Variants in MAPK4 observed in about 807,000 individuals in gnomAD.
The protein encoded by MAPK4 is mitogen-activated protein kinase 4.
Under a neutral mutation model 47.7 loss-of-function variants are expected in MAPK4, and 22 were observed. That is an observed-to-expected ratio of 0.46 (90% CI 0.33 to 0.66). The LOEUF (loss-of-function observed/expected upper bound fraction) is 0.66. Among genes scored for constraint, MAPK4 ranks in the 30% least tolerant of loss-of-function variants. The pLI is 0.02. For missense variants in MAPK4, 736 were observed against 831.7 expected (o/e 0.88, Z 1.42); for synonymous variants, 390 against 365.7 (o/e 1.07, Z -0.76).
At chr18:50,716,628 C>G (rs558606835) in intron 3 of MAPK4, among the ~76,000 whole-genome samples, 3 of 152,208 alleles carry the variant, frequency 2.0e-5, no homozygotes, top group Non-Finnish European at 4.4e-5. Flanking sequence ...TCCTTGCCAC[C>G]TGTCCTCTGC....
intron 2 of MAPK4, among the ~76,000 whole-genome samples, chr18:50,672,688 C>G (rs1301645992): frequency 6.6e-6 from 1 of 152,162 alleles, no homozygotes; most frequent in Non-Finnish European, 1.5e-5. Flanking sequence ...ACAAGCCTGG[C>G]CTGGGAGATG....
intron 2 of MAPK4, among the ~76,000 whole-genome samples, chr18:50,693,834 C>T (rs1031989756): frequency 7.9e-5 from 12 of 151,280 alleles, no homozygotes; most frequent in South Asian, 4.2e-4. Flanking sequence ...GCTTATGAAA[C>T]GAGTGAGTGG....
chr18:50,686,708 C>G (rs1255663353), intron 2 of MAPK4, among the ~76,000 whole-genome samples: 1 of 152,200 alleles, frequency 6.6e-6, no homozygotes, highest in Non-Finnish European at 1.5e-5. Flanking sequence ...GTCCTGAAAT[C>G]CATGTCGGTT....
rs141390741 is a variant in MAPK4 at position 50,692,903 on chromosome 18, G to A, written c.547-22176G>A. Among the ~76,000 whole-genome samples the A allele has an allele frequency of 2.2e-4, 34 of 152,278 alleles. No homozygotes were observed. In the East Asian group the frequency reaches 6.4e-3, roughly 29 times the overall value. ...CATGAGTAAGGACAGCAGCTCCTCC[G>A]TTTTGCAGGGGCATCCACCTGAACC... On this transcript the variant is annotated intron_variant, in intron 2 of 5. Transcript: ENST00000400384.
intron 2 of MAPK4, among the ~76,000 whole-genome samples, chr18:50,703,362 C>A (rs1909887540): frequency 6.6e-6 from 1 of 152,214 alleles, no homozygotes; most frequent in African/African-American, 2.4e-5. Flanking sequence ...GCCAGAGCCT[C>A]TGTGGAGTGA....
intron 2 of MAPK4, among the ~76,000 whole-genome samples, chr18:50,694,556 ATACT>A (rs1321326336): frequency 6.6e-6 from 1 of 152,228 alleles, no homozygotes; most frequent in African/African-American, 2.4e-5. Context: ...TGAGTAATTA[ATACT>A]TAATGAATGA....
chr18:50,610,356 A>T (rs539702256), intron 1 of MAPK4, among the ~76,000 whole-genome samples: 6 of 152,354 alleles, frequency 3.9e-5, no homozygotes, highest in Non-Finnish European at 8.8e-5. Context: ...CCCAGAGCAG[A>T]GGCTCAGACC....
intron 2 of MAPK4, among the ~76,000 whole-genome samples, chr18:50,700,790 G>C (rs1242905469): frequency 6.6e-6 from 1 of 152,190 alleles, no homozygotes; most frequent in Non-Finnish European, 1.5e-5. Context: ...GCGGGAGTTG[G>C]GGGTGGGGGA....
chr18:50,708,032 C>T lies in MAPK4; in HGVS notation c.547-7047C>T, dbSNP rs12605502. On this transcript the variant is annotated intron_variant, in intron 2 of 5. Transcript: ENST00000400384. Reference sequence around the variant, plus strand: ...TGTTTACTTTAGCTGCGTAATAGAACGTGCCAGATGATTTCCCAGTGATTG... The same window carrying T: ...TGTTTACTTTAGCTGCGTAATAGAATGTGCCAGATGATTTCCCAGTGATTG... Among the ~76,000 whole-genome samples the T allele has an allele frequency of 4.9e-3, 745 of 152,332 alleles. 38 individuals carry two copies. The East Asian group carries it at 0.12, about 25-fold the overall frequency.
At chr18:50,673,102 C>T (rs1231273059) in intron 2 of MAPK4, among the ~76,000 whole-genome samples, 1 of 152,060 alleles carries the variant, frequency 6.6e-6, no homozygotes, top group Non-Finnish European at 1.5e-5. Flanking sequence ...CATGGTGAAA[C>T]CCCATCTTTA....
At chr18:50,709,566 T>C (rs1353244067) in intron 2 of MAPK4, among the ~76,000 whole-genome samples, 1 of 152,174 alleles carries the variant, frequency 6.6e-6, no homozygotes, top group Non-Finnish European at 1.5e-5. Context: ...CCTGGGGAGC[T>C]CATTCAAGAT....
intron 1 of MAPK4, among the ~76,000 whole-genome samples, chr18:50,593,030 A>G (rs1018420019): frequency 4.6e-5 from 7 of 152,184 alleles, no homozygotes; most frequent in African/African-American, 1.4e-4. Flanking sequence ...TATTTTACAG[A>G]TGAAAAAATT....
intron 3 of MAPK4, among the ~76,000 whole-genome samples, chr18:50,717,033 T>C (rs555322045): frequency 3.3e-4 from 51 of 152,276 alleles, no homozygotes; most frequent in African/African-American, 1.1e-3. Flanking sequence ...ACTGAGGCTG[T>C]TGGCACCTAC....
intron 2 of MAPK4, among the ~76,000 whole-genome samples, chr18:50,713,404 G>A (rs921564597): frequency 1.3e-5 from 2 of 152,240 alleles, no homozygotes; most frequent in Admixed American, 6.5e-5. Context: ...CCACCTTGTA[G>A]TCAAGTGTAT....
At chr18:50,560,509 G>C (rs904946744) in intron 1 of MAPK4, 5 of 152,508 alleles carry the variant, frequency 3.3e-5, no homozygotes, top group African/African-American at 9.6e-5. Context: ...ACCCGTTTGG[G>C]ATGGGAGGTT....
At position 50,715,204 on chromosome 18, in the gene MAPK4, G is replaced by A. The variant is rs550266883; in HGVS notation, c.672G>A (p.Thr224=). ...AAGCILAEML[T]GRMLFAGAHE... ...GCTGCATCCTGGCTGAGATGCTTAC[G>A]GGGAGAATGCTCTTTGCTGGTGAGT... Residue 224 remains threonine, a synonymous_variant, in exon 3 of 6, where the codon ACG becomes ACA. Transcript: ENST00000400384. 30 of 1,613,972 alleles carry A rather than the reference G, an allele frequency of 1.9e-5. No individual in the cohort carries two copies. Among genetic ancestry groups the A allele is most frequent in the South Asian group, 6.6e-5 (6 of 91,032 alleles).
At chr18:50,598,240 A>C (rs1204155285) in intron 1 of MAPK4, among the ~76,000 whole-genome samples, 2 of 152,356 alleles carry the variant, frequency 1.3e-5, no homozygotes, top group East Asian at 3.9e-4. Flanking sequence ...TAATAAAAAT[A>C]AGCAAGAAAT....
intron 2 of MAPK4, among the ~76,000 whole-genome samples, chr18:50,684,233 G>T (rs1302499342): frequency 6.6e-6 from 1 of 152,140 alleles, no homozygotes; most frequent in Non-Finnish European, 1.5e-5. Context: ...TATTTGAGTG[G>T]CTTCTGTTAT....
At chr18:50,625,135 A>C (rs2042765500) in intron 1 of MAPK4, among the ~76,000 whole-genome samples, 1 of 152,132 alleles carries the variant, frequency 6.6e-6, no homozygotes, top group Admixed American at 6.5e-5. Flanking sequence ...AGGACCTGAA[A>C]ACTCAGCCAG....
Sources: gnomAD v4.1 joint callset for allele counts (sites outside exome capture counted in the v4.1 genomes callset) on GRCh38, gnomAD v4.1.1 for gene constraint, MANE v1.5 for transcripts, NCBI Gene and HGNC (gene_info 2026-07-23, HGNC 2026-07-21) for gene names.